Variants in POFUT3 observed in about 807,000 individuals in gnomAD.
The protein encoded by POFUT3 is GDP-fucose protein O-fucosyltransferase 3.
At chr8:33,347,382 A>T in the POFUT3 span, among the ~76,000 whole-genome samples, 1 of 152,218 alleles carries the variant, frequency 6.6e-6, no homozygotes, top group Admixed American at 6.5e-5. Context: ...AAGACTTGAC[A>T]AATTATCTAA....
chr8:33,449,320 C>T, the POFUT3 span, among the ~76,000 whole-genome samples: 2 of 110,934 alleles, frequency 1.8e-5, no homozygotes, highest in African/African-American at 3.5e-5. Flanking sequence ...GACAGAGTCT[C>T]ACTCTGTCAC....
the POFUT3 span, among the ~76,000 whole-genome samples, chr8:33,345,550 G>C: frequency 6.6e-6 from 1 of 151,868 alleles, no homozygotes; most frequent in Non-Finnish European, 1.5e-5. Flanking sequence ...ATAGGCGCCT[G>C]CCACCACGCC....
At chr8:33,419,780 A>G in the POFUT3 span, among the ~76,000 whole-genome samples, 4 of 152,226 alleles carry the variant, frequency 2.6e-5, no homozygotes, top group African/African-American at 9.6e-5. Context: ...ACATTATGTA[A>G]TATGTTAGGT....
At chr8:33,410,853 C>A in the POFUT3 span, among the ~76,000 whole-genome samples, 126 of 152,252 alleles carry the variant, frequency 8.3e-4, 2 homozygotes, top group East Asian at 9.9e-3. Flanking sequence ...TCCTCTGCAA[C>A]CTGAAAGCAG....
At chr8:33,375,919 A>G in the POFUT3 span, among the ~76,000 whole-genome samples, 2 of 151,242 alleles carry the variant, frequency 1.3e-5, no homozygotes. Flanking sequence ...CAGGAGGATG[A>G]GGCAGGAGAA....
At chr8:33,426,766 G>T in the POFUT3 span, among the ~76,000 whole-genome samples, 3 of 152,314 alleles carry the variant, frequency 2.0e-5, no homozygotes, top group South Asian at 4.1e-4. Context: ...CCTGGAAGCC[G>T]TGTAATTTCT....
At chr8:33,343,112 GAAA>G in the POFUT3 span, among the ~76,000 whole-genome samples, 1 of 115,132 alleles carries the variant, frequency 8.7e-6, no homozygotes. Context: ...CTCCGTCTAA[GAAA>G]AAAAAAAAAA....
At chr8:33,352,225 G>A in the POFUT3 span, among the ~76,000 whole-genome samples, 2 of 152,152 alleles carry the variant, frequency 1.3e-5, no homozygotes, top group Non-Finnish European at 2.9e-5. Context: ...GCCTTAGAAA[G>A]CAAAACCACC....
At chr8:33,468,345 G>A in the POFUT3 span, among the ~76,000 whole-genome samples, 5 of 152,178 alleles carry the variant, frequency 3.3e-5, no homozygotes, top group African/African-American at 9.6e-5. Flanking sequence ...CAGAAGGCAG[G>A]GAGCTCTGGG....
At chr8:33,437,345 T>C in the POFUT3 span, among the ~76,000 whole-genome samples, 1 of 150,810 alleles carries the variant, frequency 6.6e-6, no homozygotes, top group African/African-American at 2.4e-5. Flanking sequence ...CAGAGAGAAC[T>C]GAAGCATCGG....
the POFUT3 span, among the ~76,000 whole-genome samples, chr8:33,319,504 T>TATATAATATATAAA: frequency 9.5e-5 from 1 of 10,498 alleles, no homozygotes; most frequent in African/African-American, 7.0e-4. Context: ...ATATATATAT[T>TATATAATATATAAA]TTTATATATT....
At chr8:33,402,281 C>T in the POFUT3 span, among the ~76,000 whole-genome samples, 11 of 152,202 alleles carry the variant, frequency 7.2e-5, no homozygotes, top group East Asian at 1.2e-3. Context: ...AGATACCAAC[C>T]GAATGCTTTT....
At chr8:33,355,489 AC>A in the POFUT3 span, among the ~76,000 whole-genome samples, 4 of 152,110 alleles carry the variant, frequency 2.6e-5, no homozygotes, top group African/African-American at 4.8e-5. Context: ...TTTACCAGCT[AC>A]CTAGGCATCC....
chr8:33,418,552 C>G, the POFUT3 span, among the ~76,000 whole-genome samples: 1 of 151,978 alleles, frequency 6.6e-6, no homozygotes, highest in Non-Finnish European at 1.5e-5. Flanking sequence ...ATCTGCCCAC[C>G]TCGGCCTCTC....
the POFUT3 span, among the ~76,000 whole-genome samples, chr8:33,333,493 G>A: frequency 1.3e-5 from 2 of 152,176 alleles, no homozygotes; most frequent in South Asian, 4.1e-4. Context: ...TGCAAAGAGT[G>A]GGGAATCATA....
the POFUT3 span, among the ~76,000 whole-genome samples, chr8:33,392,784 G>C: frequency 6.6e-6 from 1 of 151,868 alleles, no homozygotes; most frequent in East Asian, 2.0e-4. Context: ...AGGAGTTCAA[G>C]ACCAGCCTGG....
At chr8:33,460,584 C>T in the POFUT3 span, 17 of 216,626 alleles carry the variant, frequency 7.8e-5, no homozygotes, top group Middle Eastern at 2.2e-3. Flanking sequence ...TCTCCAAGAA[C>T]GCAATCTTTC....
chr8:33,384,531 T>C, the POFUT3 span, among the ~76,000 whole-genome samples: 2 of 152,060 alleles, frequency 1.3e-5, no homozygotes, highest in Non-Finnish European at 2.9e-5. Flanking sequence ...ACAGAATGCC[T>C]TCTTCAGGCC....
At chr8:33,436,303 C>A in the POFUT3 span, 6 of 1,343,904 alleles carry the variant, frequency 4.5e-6, no homozygotes, top group Admixed American at 8.5e-5. Flanking sequence ...TCTGTGTTAT[C>A]AAGGCCCTTG....
Sources: allele counts gnomAD v4.1 joint callset (sites outside exome capture counted in the v4.1 genomes callset), GRCh38; gene constraint gnomAD v4.1.1; transcripts MANE v1.5; gene names NCBI Gene and HGNC (gene_info 2026-07-23, HGNC 2026-07-21).